The following NME7 variants were observed in gnomAD, a reference collection of about 807,000 sequenced individuals.
NME7 encodes nucleoside diphosphate kinase 7.
NME7 carries 41 observed loss-of-function variants against 49.1 expected under a neutral mutation model. The ratio of observed to expected loss-of-function variants is 0.83; its 90% CI spans 0.65 to 1.08. The LOEUF is 1.08. NME7 is among the 50% of genes least tolerant of loss of function. The pLI is 0.00. For synonymous variants in NME7, 139 were observed against 150.6 expected, an observed-to-expected ratio of 0.92 and a Z score of 0.56; for missense variants, 423 against 463.4, an observed-to-expected ratio of 0.91 and a Z score of 0.80.
intron 1 of NME7, among the ~76,000 whole-genome samples, chr1:169,325,739 A>C (rs994002203): frequency 6.6e-6 from 1 of 152,166 alleles, no homozygotes; most frequent in Non-Finnish European, 1.5e-5. Flanking sequence ...GTGTCTAATG[A>C]TGTTTATAAT....
intron 3 of NME7, among the ~76,000 whole-genome samples, chr1:169,311,673 A>C (rs1651396621): frequency 1.3e-5 from 2 of 152,150 alleles, no homozygotes; most frequent in African/African-American, 4.8e-5. Flanking sequence ...ATCCAGACTA[A>C]CCTATAAACT....
intron 1 of NME7, among the ~76,000 whole-genome samples, chr1:169,340,296 G>A (rs4454599): frequency 0.64 from 97,678 of 151,968 alleles, 31,790 homozygotes; most frequent in East Asian, 0.93. Context: ...TCCCCTGCAC[G>A]TTCTCTCTCC....
intron 1 of NME7, among the ~76,000 whole-genome samples, chr1:169,349,888 AGAGT>A (rs1653088721): frequency 6.6e-6 from 1 of 152,152 alleles, no homozygotes; most frequent in Non-Finnish European, 1.5e-5. Context: ...AGGGACTACA[AGAGT>A]GAGTAAGAAA....
rs536669975 is a variant in NME7 at position 169,328,656 on chromosome 1, G to A, written c.4-4156C>T. 4.6e-5 allele frequency among the ~76,000 whole-genome samples: 7 copies of A among 152,156 alleles called. No homozygotes were observed. In the East Asian group the frequency reaches 1.3e-3, roughly 29 times the overall value. The stretch of plus-strand genomic sequence containing the variant: ...AAAACTATTGAACATATAATACTAG[G>A]TAAATTTTTTTGTAAAGGATATATC... On this transcript the variant is annotated intron_variant, in intron 1 of 11. Transcript: ENST00000367811.
At position 169,247,795 on chromosome 1, in the gene NME7, G is replaced by A. The variant is rs575729700; in HGVS notation, c.755-10108C>T. 6.7e-4 allele frequency among the ~76,000 whole-genome samples: 102 copies of A among 152,170 alleles called. 1 individual carries two copies. The highest frequency in any genetic ancestry group is 2.3e-3 in the African/African-American group (94 of 41,508). On this transcript the variant is annotated intron_variant, in intron 7 of 11. Transcript: ENST00000367811. ...AATAATGGCTTCTAGCTCCATCCAA[G>A]TTACTGCAAAACACATTATTTCATT...
At chr1:169,312,283 A>G (rs971743033) in intron 3 of NME7, among the ~76,000 whole-genome samples, 2 of 152,102 alleles carry the variant, frequency 1.3e-5, no homozygotes, top group African/African-American at 2.4e-5. Context: ...ACATCAACCA[A>G]TGTACAGGCA....
In NME7 at chr1:169,137,589, T is replaced by C. The variant is rs544218985; in HGVS notation, c.1099-4772A>G. ...GCAGGGGTGAGGAGGGGAGGGCTTA[T>C]GCTGTGGGGATGGCAAGAGGCAGCT... is the stretch of plus-strand genomic sequence containing the variant. On this transcript the variant is annotated intron_variant, in intron 11 of 11. Coordinates refer to ENST00000367811, the MANE Select transcript of NME7 (RefSeq NM_013330.5). 6.0e-4 allele frequency among the ~76,000 whole-genome samples: 91 copies of C among 152,268 alleles called. No individual in the cohort carries two copies. In the Middle Eastern group the frequency reaches 0.01, roughly 17 times the overall value.
intron 7 of NME7, among the ~76,000 whole-genome samples, chr1:169,245,531 T>C (rs1648275623): frequency 6.6e-6 from 1 of 152,208 alleles, no homozygotes; most frequent in Non-Finnish European, 1.5e-5. Flanking sequence ...TTGCAGTTTA[T>C]TTTGGAAAGA....
At chr1:169,261,042 T>C (rs889402894) in intron 7 of NME7, among the ~76,000 whole-genome samples, 7 of 131,870 alleles carry the variant, frequency 5.3e-5, no homozygotes, top group African/African-American at 1.8e-4. Context: ...ATTCCCTGAA[T>C]CACCGTGACT....
chr1:169,213,474 C>T (rs1178854730), intron 10 of NME7, among the ~76,000 whole-genome samples: 2 of 152,132 alleles, frequency 1.3e-5, no homozygotes, highest in East Asian at 3.8e-4. Context: ...GCCAACCTCA[C>T]TGGTTTAAAA....
At chr1:169,151,618 T>C (rs1658918078) in intron 11 of NME7, among the ~76,000 whole-genome samples, 1 of 152,120 alleles carries the variant, frequency 6.6e-6, no homozygotes, top group Non-Finnish European at 1.5e-5. Context: ...TGATGATCCT[T>C]CCACCAGGCC....
chr1:169,337,318 C>T (rs1359316578), intron 1 of NME7, among the ~76,000 whole-genome samples: 1 of 152,184 alleles, frequency 6.6e-6, no homozygotes, highest in Non-Finnish European at 1.5e-5. Context: ...GCTGCTGGCC[C>T]GGGTGCTAAG....
chr1:169,344,961 T>C (rs1477983740), intron 1 of NME7, among the ~76,000 whole-genome samples: 1 of 152,192 alleles, frequency 6.6e-6, no homozygotes, highest in African/African-American at 2.4e-5. Flanking sequence ...AGAGTAGTCA[T>C]CTGGGTATGA....
intron 4 of NME7, chr1:169,303,529 A>G (rs1451693288): frequency 6.6e-6 from 1 of 151,674 alleles, no homozygotes; most frequent in Non-Finnish European, 1.4e-5. Context: ...GGCGCTCGCT[A>G]CAACCTCCAC....
chr1:169,226,869 A>C (rs148736204), intron 10 of NME7, among the ~76,000 whole-genome samples: 1 of 152,314 alleles, frequency 6.6e-6, no homozygotes, highest in East Asian at 1.9e-4. Context: ...GCAACTTTCT[A>C]TAATGCTATG....
intron 11 of NME7, among the ~76,000 whole-genome samples, chr1:169,145,098 G>T (rs1294093913): frequency 2.0e-5 from 3 of 152,208 alleles, no homozygotes; most frequent in Non-Finnish European, 4.4e-5. Flanking sequence ...TTAGCTCTCA[G>T]ATGGAGATTG....
At chr1:169,350,237 A>AAGGAAG in intron 1 of NME7, among the ~76,000 whole-genome samples, 7 of 9,836 alleles carry the variant, frequency 7.1e-4, no homozygotes, top group African/African-American at 1.2e-3. Flanking sequence ...AAAGAAAGAA[A>AAGGAAG]GAAAGAAAGA....
Position 169,190,799 on chromosome 1 carries a change from T to TAAGAAAACAACCAGAAAAATGG in NME7, c.991-21246_991-21245insCCATTTTTCTGGTTGTTTTCTT, listed in dbSNP as rs1557980810. ...AGGAAGGAAGCAAGTGAACTGTTTC[T>TAAGAAAACAACCAGAAAAATGG]TTTTTTTTTTTTTTTTTTTTTTTTT... On this transcript the variant is annotated intron_variant, in intron 10 of 11. Transcript: ENST00000367811. 4.4e-4 allele frequency: 22 copies of TAAGAAAACAACCAGAAAAATGG among 50,126 alleles called. 2 individuals carry two copies. Among genetic ancestry groups the TAAGAAAACAACCAGAAAAATGG allele is most frequent in the South Asian group, 2.2e-3 (7 of 3,136 alleles). The allele number at this position is 50,126 out of a possible 1,614,324, so 3.1% of individuals were successfully genotyped here.
At chr1:169,246,599 G>A (rs1648326221) in intron 7 of NME7, among the ~76,000 whole-genome samples, 1 of 152,030 alleles carries the variant, frequency 6.6e-6, no homozygotes, top group South Asian at 2.1e-4. Context: ...GTAACCAATA[G>A]AACTTTATTT....
Sources: allele counts gnomAD v4.1 joint callset (sites outside exome capture counted in the v4.1 genomes callset), GRCh38; gene constraint gnomAD v4.1.1; transcripts MANE v1.5; gene names NCBI Gene and HGNC (gene_info 2026-07-23, HGNC 2026-07-21).